CDH13: variants seen among roughly 807,000 people sequenced by gnomAD.
CDH13 encodes cadherin-13.
In CDH13, 24 loss-of-function variants were observed where a neutral mutation model predicts 63.8. The ratio of observed to expected loss-of-function variants is 0.38; its 90% CI spans 0.27 to 0.53. The LOEUF (loss-of-function observed/expected upper bound fraction) is 0.53, where lower values mean the gene tolerates loss of function less well. CDH13 is among the 20% of genes least tolerant of loss of function. CDH13 has a pLI of 0.85. For missense variants in CDH13, 1,049 were observed against 903.1 expected (o/e 1.16, Z -2.07); for synonymous variants, 503 against 355.3 (o/e 1.42, Z -4.67).
intron 1 of CDH13, among the ~76,000 whole-genome samples, chr16:82,642,824 A>G (rs1027480272): frequency 3.3e-5 from 5 of 152,202 alleles, no homozygotes; most frequent in African/African-American, 1.2e-4. Context: ...GTGACTCTAT[A>G]AAATATCTTC....
At chr16:83,722,341 G>A (rs984639185) in intron 10 of CDH13, among the ~76,000 whole-genome samples, 5 of 152,130 alleles carry the variant, frequency 3.3e-5, no homozygotes, top group African/African-American at 1.2e-4. Context: ...CCCCACAAAG[G>A]GGATCCCTGT....
At chr16:83,707,877 T>A (rs1413272147) in intron 10 of CDH13, among the ~76,000 whole-genome samples, 2 of 130,276 alleles carry the variant, frequency 1.5e-5, no homozygotes, top group Non-Finnish European at 3.2e-5. Flanking sequence ...AAAGTTGAAT[T>A]TTGAGGAGAA....
chr16:83,299,369 C>G (rs1158655946), intron 5 of CDH13, among the ~76,000 whole-genome samples: 2 of 151,874 alleles, frequency 1.3e-5, no homozygotes, highest in African/African-American at 2.4e-5. Context: ...TTACCTTAAA[C>G]TTTCTGGCTC....
chr16:83,756,617 C>G (rs1227872832), intron 11 of CDH13, among the ~76,000 whole-genome samples: 1 of 152,140 alleles, frequency 6.6e-6, no homozygotes, highest in Non-Finnish European at 1.5e-5. Flanking sequence ...TGGCCCAAGA[C>G]AATTCTTCTT....
At chr16:83,085,922 T>A (rs1247555536) in intron 3 of CDH13, among the ~76,000 whole-genome samples, 2 of 152,232 alleles carry the variant, frequency 1.3e-5, no homozygotes, top group Non-Finnish European at 2.9e-5. Context: ...TCAGAAGTGT[T>A]CTGAATGGCG....
intron 1 of CDH13, among the ~76,000 whole-genome samples, chr16:82,780,250 C>G (rs113047975): frequency 2.0e-5 from 3 of 152,262 alleles, no homozygotes; most frequent in South Asian, 2.1e-4. Flanking sequence ...TACTTGAAAG[C>G]TCTGTCTCCA....
At chr16:83,340,654 T>G (rs1365905816) in intron 5 of CDH13, among the ~76,000 whole-genome samples, 1 of 152,190 alleles carries the variant, frequency 6.6e-6, no homozygotes, top group African/African-American at 2.4e-5. Context: ...CCGAGGAGCC[T>G]GCATTTCTAA....
At chr16:83,512,487 G>C (rs2074595461) in intron 7 of CDH13, among the ~76,000 whole-genome samples, 1 of 150,976 alleles carries the variant, frequency 6.6e-6, no homozygotes, top group African/African-American at 2.4e-5. Flanking sequence ...TGGCCAATAT[G>C]ATGAAACCGA....
intron 3 of CDH13, among the ~76,000 whole-genome samples, chr16:83,110,032 G>A (rs982197878): frequency 6.6e-6 from 1 of 152,214 alleles, no homozygotes; most frequent in Non-Finnish European, 1.5e-5. Flanking sequence ...TTAACTAGCG[G>A]TTCAAACGTG....
chr16:83,180,819 G>C lies in CDH13; in HGVS notation c.484-36526G>C, dbSNP rs73606326. ...TGATGCTGTAGTCATTTGTTGGCTT[G>C]TTTATTTTAATCCCCAATTTACAAC... On this transcript the variant is annotated intron_variant, in intron 4 of 13. Transcript: ENST00000567109. 638 of 1,291,168 alleles carry C rather than the reference G, an allele frequency of 4.9e-4. 4 individuals carry two copies. In the African/African-American group the frequency reaches 8.3e-3, roughly 17 times the overall value. The allele number at this position is 1,291,168 out of a possible 1,614,324, so 80.0% of individuals were successfully genotyped here. A position where few individuals can be genotyped will look rare whatever the true frequency, so the allele number is the denominator to read the frequency against.
At chr16:82,851,703 A>C (rs541710272) in intron 1 of CDH13, among the ~76,000 whole-genome samples, 1 of 150,122 alleles carries the variant, frequency 6.7e-6, no homozygotes, top group East Asian at 2.0e-4. Context: ...GTGTGTGTGC[A>C]TGCACATGTC....
In CDH13 at chr16:83,799,011, A is replaced by G. The variant is rs1359639671; in HGVS notation, c.*3981A>G. Reference sequence around the variant, plus strand: ...GGGGCTTCTCCTAGATTAATTTAACATCTCAGTTAATCAAAAGTAGCCGGG... The same window carrying G: ...GGGGCTTCTCCTAGATTAATTTAACGTCTCAGTTAATCAAAAGTAGCCGGG... On this transcript the variant is annotated 3_prime_UTR_variant, in exon 14 of 14. Coordinates refer to ENST00000567109, the MANE Select transcript of CDH13 (RefSeq NM_001257.5). The G allele has an allele frequency of 6.6e-6, 1 of 152,104 alleles. No individual in the cohort carries two copies. The highest frequency in any genetic ancestry group is 1.5e-5 in the Non-Finnish European group (1 of 68,024). The allele number at this position is 152,104 out of a possible 1,614,324, so 9.4% of individuals were successfully genotyped here. A position where few individuals can be genotyped will look rare whatever the true frequency, so the allele number is the denominator to read the frequency against.
At chr16:82,812,103 C>T (rs374903904) in intron 1 of CDH13, among the ~76,000 whole-genome samples, 26 of 152,264 alleles carry the variant, frequency 1.7e-4, no homozygotes, top group African/African-American at 5.1e-4. Context: ...TATGTATTCA[C>T]ACTGCTTCCC....
At chr16:82,701,339 T>C (rs2031001783) in intron 1 of CDH13, among the ~76,000 whole-genome samples, 1 of 152,164 alleles carries the variant, frequency 6.6e-6, no homozygotes, top group East Asian at 1.9e-4. Context: ...TTATAATTTT[T>C]CTACAACTTT....
At chr16:82,819,605 A>G (rs976340968) in intron 1 of CDH13, among the ~76,000 whole-genome samples, 2 of 152,168 alleles carry the variant, frequency 1.3e-5, no homozygotes, top group African/African-American at 2.4e-5. Flanking sequence ...GACAGAGGAA[A>G]TTAAGACACC....
At chr16:83,291,025 C>A (rs532669930) in intron 5 of CDH13, among the ~76,000 whole-genome samples, 2 of 152,260 alleles carry the variant, frequency 1.3e-5, no homozygotes, top group Admixed American at 1.3e-4. Context: ...GTCACGCAGA[C>A]CTTTGTTAAA....
chr16:82,974,424 C>T (rs936519688), intron 2 of CDH13, among the ~76,000 whole-genome samples: 13 of 152,120 alleles, frequency 8.5e-5, no homozygotes, highest in Non-Finnish European at 1.8e-4. Flanking sequence ...GATTCACATG[C>T]AGATGGGTGT....
chr16:82,760,106 T>A (rs1201353765), intron 1 of CDH13, among the ~76,000 whole-genome samples: 1 of 152,186 alleles, frequency 6.6e-6, no homozygotes, highest in Non-Finnish European at 1.5e-5. Flanking sequence ...ATTGCACAAT[T>A]TTCCTAAGCA....
chr16:83,251,229 C>G (rs8054668), intron 5 of CDH13, among the ~76,000 whole-genome samples: 5 of 151,950 alleles, frequency 3.3e-5, no homozygotes, highest in Non-Finnish European at 7.4e-5. Flanking sequence ...CTATTTCTTA[C>G]AACTGTGTGT....
Sources: allele counts gnomAD v4.1 joint callset (sites outside exome capture counted in the v4.1 genomes callset), GRCh38; gene constraint gnomAD v4.1.1; transcripts MANE v1.5; gene names NCBI Gene and HGNC (gene_info 2026-07-23, HGNC 2026-07-21).